The following BRWD1 variants were observed in gnomAD, a reference collection of about 807,000 sequenced individuals.
BRWD1 encodes the protein bromodomain and WD repeat domain containing 1, also known as bromodomain and WD repeat-containing protein 1.
In BRWD1, 82 loss-of-function variants were observed where a neutral mutation model predicts 251.2. The observed-to-expected ratio is 0.33, with a 90% CI of 0.27 to 0.39. The LOEUF is 0.39. Among genes scored for constraint, BRWD1 ranks in the 10% least tolerant of loss-of-function variants. BRWD1 has a pLI of 1.00. For synonymous variants in BRWD1, 918 were observed against 902.8 expected, an observed-to-expected ratio of 1.02 and a Z score of -0.30; for missense variants, 2,233 against 2,711.6, an observed-to-expected ratio of 0.82 and a Z score of 3.92.
At chr21:39,247,564 T>C in intron 21 of BRWD1, 137 bp downstream of exon 21, 1 of 958,980 alleles carries the variant, frequency 1.0e-6, no homozygotes, top group South Asian at 2.4e-5. Context: ...TTGTTAACAT[T>C]CAAAATGTGA....
intron 29 of BRWD1, 65 bp downstream of exon 29, chr21:39,224,343 T>C (rs2033297859): frequency 1.1e-5 from 10 of 927,562 alleles, no homozygotes; most frequent in Non-Finnish European, 9.8e-6. Flanking sequence ...GTTTGTTCCA[T>C]GTGCACTGGC....
rs771592982 is a variant in BRWD1, at chr21:39,196,745, A to G, written c.6324T>C (p.Pro2108=). 8.7e-6 allele frequency: 14 copies of G among 1,613,658 alleles called. 1 individual carries two copies. In the East Asian group the frequency reaches 3.1e-4, roughly 36 times the overall value. ...CATGAATCACTTTTGTCTTACTAAAAGGAGCCTTTCCATAGGTCCTGAGTC... is the reference window on the plus strand; with the variant it reads ...CATGAATCACTTTTGTCTTACTAAAGGGAGCCTTTCCATAGGTCCTGAGTC... The part of the protein sequence containing the change: ...GRRLRTYGKA[P]FSKTKVIHDS... The change falls in exon 41 of 41, where the codon CCT becomes CCC. Residue 2108 remains proline, a synonymous_variant. Transcript: ENST00000342449.
chr21:39,218,227 G>A lies in BRWD1; in HGVS notation c.3584C>T (p.Pro1195Leu), dbSNP rs747466623. ...ATAAGCTACTACAGTACAGTACTTC[G>A]GGTATGTACACAAATCAACAGGGCC... is the stretch of plus-strand genomic sequence containing the variant. ...FAGPVDLCTY[P>L]KYCTVVAYPT... Residue 1195 changes from proline to leucine, a missense_variant, in exon 31 of 41, where the codon CCG becomes CTG. Coordinates refer to ENST00000342449, the MANE Select transcript of BRWD1 (RefSeq NM_033656.4). 6.2e-7 allele frequency: 1 copy of A among 1,612,032 alleles called. No homozygotes were observed. The highest frequency in any genetic ancestry group is 1.7e-5 in the Admixed American group (1 of 59,336).
rs1000932099 is a variant in BRWD1, at chr21:39,232,496, A to C, written c.2769T>G (p.Asn923Lys). 4 of 1,587,220 alleles carry C rather than the reference A, an allele frequency of 2.5e-6. No homozygotes were observed. The highest frequency in any genetic ancestry group is 3.4e-6 in the Non-Finnish European group (4 of 1,174,018). The change falls in exon 24 of 41, where the codon AAT becomes AAG. Residue 923 changes from asparagine (N) to lysine (K), a missense_variant and splice_region_variant. By Grantham distance (94) the Asn-to-Lys change is moderately conservative. Transcript: ENST00000342449. Reference sequence around the variant, plus strand: ...GCTCTGCTGGAGTCATCCTCCGCAAATTCTACCAAGGGGAAGAGAACAAAG... The same window carrying C: ...GCTCTGCTGGAGTCATCCTCCGCAACTTCTACCAAGGGGAAGAGAACAAAG... ...RKKENKPKKE[N>K]LRRMTPAELA...
At chr21:39,277,501 G>A in intron 10 of BRWD1, 150 bp from the exon 11 acceptor site, 1 of 504,096 alleles carries the variant, frequency 2.0e-6, no homozygotes, top group South Asian at 4.9e-5. Flanking sequence ...ACTATATAGA[G>A]GTTATAAAGC....
chr21:39,305,684 G>A (rs1189890385), intron 4 of BRWD1, among the ~76,000 whole-genome samples: 1 of 152,096 alleles, frequency 6.6e-6, no homozygotes, highest in Non-Finnish European at 1.5e-5. Flanking sequence ...CCAACACGGT[G>A]AAACCCTGTC....
chr21:39,217,049 ATT>A (rs1568877899), intron 31 of BRWD1: 48 of 17,364 alleles, frequency 2.8e-3, no homozygotes, highest in South Asian at 4.7e-3. Flanking sequence ...ATATATATAT[ATT>A]TATATATATA....
chr21:39,187,747 T>C lies in BRWD1; in HGVS notation c.*8512A>G, dbSNP rs1409530435. 55 of 984,772 alleles carry C rather than the reference T, an allele frequency of 5.6e-5. No homozygotes were observed. Among genetic ancestry groups the C allele is most frequent in the Non-Finnish European group, 6.5e-5 (54 of 829,368 alleles). 61.0% of individuals were successfully genotyped at this position (984,772 alleles called of 1,614,324 possible). A position where few individuals can be genotyped will look rare whatever the true frequency, so the allele number is the denominator to read the frequency against. ...ATAATTTGAATTACTAAATCTTAAC[T>C]TCATTGTTCCAGTATTTTCTGACCT... is the stretch of plus-strand genomic sequence containing the variant. On this transcript the variant is annotated 3_prime_UTR_variant, in exon 41 of 41. Transcript: ENST00000342449.
rs1472446648 is a variant in BRWD1 at position 39,195,550 on chromosome 21, GT to G, written c.*708del. Reference sequence around the variant, plus strand: ...CTCTGACTATGCTCTGGTCCTAGAGGTTTAAAACATGCACTCAAATCATTAA... The same window carrying G: ...CTCTGACTATGCTCTGGTCCTAGAGGTTAAAACATGCACTCAAATCATTAA... On this transcript the variant is annotated 3_prime_UTR_variant, in exon 41 of 41. Transcript: ENST00000342449. 1.4e-5 allele frequency: 14 copies of G among 984,348 alleles called. No homozygotes were observed. The highest frequency in any genetic ancestry group is 1.7e-5 in the Non-Finnish European group (14 of 828,796). The allele number at this position is 984,348 out of a possible 1,614,324, so 61.0% of individuals were successfully genotyped here.
At chr21:39,259,221 T>C (rs1403039487) in intron 17 of BRWD1, among the ~76,000 whole-genome samples, 1 of 152,210 alleles carries the variant, frequency 6.6e-6, no homozygotes, top group Non-Finnish European at 1.5e-5. Flanking sequence ...TACACAAGCC[T>C]CTCCGACTAA....
At position 39,229,513 on chromosome 21, in the gene BRWD1, T is replaced by C. The variant is rs1056998547; in HGVS notation, c.3001-77A>G. 6.6e-6 allele frequency: 9 copies of C among 1,354,564 alleles called. No homozygotes were observed. In the African/African-American group the frequency reaches 1.0e-4, roughly 16 times the overall value. The allele number at this position is 1,354,564 out of a possible 1,614,324, so 83.9% of individuals were successfully genotyped here. ...TATAATTCTCCACATACTGTTATAT[T>C]AAGTAAACTCATAATTTAGGCTTCC... On this transcript the variant is annotated intron_variant, in intron 25 of 40. Coordinates refer to ENST00000342449, the MANE Select transcript of BRWD1 (RefSeq NM_033656.4).
intron 36 of BRWD1, among the ~76,000 whole-genome samples, chr21:39,208,983 A>AG (rs1034249867): frequency 2.0e-5 from 3 of 151,830 alleles, no homozygotes; most frequent in African/African-American, 7.3e-5. Context: ...AATGACAAAA[A>AG]AAAAAAAAGA....
At position 39,245,305 on chromosome 21, in the gene BRWD1, A is replaced by T. The variant is rs139830351; in HGVS notation, c.2481+2396T>A. Among the ~76,000 whole-genome samples the T allele has an allele frequency of 2.9e-3, 437 of 152,304 alleles. 2 individuals are homozygous for T. The highest frequency in any genetic ancestry group is 1.0e-2 in the African/African-American group (414 of 41,560). On this transcript the variant is annotated intron_variant, in intron 21 of 40. Transcript: ENST00000342449. Reference sequence around the variant, plus strand: ...ATAATCGTAGCTAACATTATTGTGTATTAGGCACTATTTAAACACATTGCA... The same window carrying T: ...ATAATCGTAGCTAACATTATTGTGTTTTAGGCACTATTTAAACACATTGCA...
At chr21:39,184,468 A>C (rs994059991), downstream of BRWD1, 8 of 152,238 alleles carry the variant, frequency 5.3e-5, no homozygotes, top group Non-Finnish European at 1.2e-4. Context: ...ATATGCAGTA[A>C]TGCAATGAAA....
rs2031842230 is a variant in BRWD1 at position 39,196,781 on chromosome 21, CCACCTGCG to C, written c.6280_6287del (p.Arg2094GlufsTer14). 1 of 1,613,124 alleles carries C rather than the reference CCACCTGCG, an allele frequency of 6.2e-7. No homozygotes were observed. The highest frequency in any genetic ancestry group is 8.5e-7 in the Non-Finnish European group (1 of 1,179,894). Reference sequence around the variant, plus strand: ...CATAGGTCCTGAGTCTTCTGCCATTCCACCTGCGCAGCCCATAATTCAGTTCCACTTCA... The same window carrying C: ...CATAGGTCCTGAGTCTTCTGCCATTCCAGCCCATAATTCAGTTCCACTTCA... On this transcript the variant is annotated frameshift_variant, in exon 41 of 41. Transcript: ENST00000342449. LOFTEE classifies it high-confidence loss of function.
At chr21:39,290,823 T>G (rs9975728) in intron 8 of BRWD1, among the ~76,000 whole-genome samples, 14,698 of 152,220 alleles carry the variant, frequency 0.097, 833 homozygotes, top group East Asian at 0.14. Context: ...AAATCTTGCT[T>G]AAACTTCCAA....
At chr21:39,242,465 A>G (rs570280230) in intron 21 of BRWD1, among the ~76,000 whole-genome samples, 1 of 152,370 alleles carries the variant, frequency 6.6e-6, no homozygotes, top group African/African-American at 2.4e-5. Context: ...AGGCATGTCC[A>G]TAACATAAAA....
intron 5 of BRWD1, chr21:39,297,462 T>C (rs2146759576): frequency 1.1e-6 from 1 of 946,336 alleles, no homozygotes; most frequent in African/African-American, 1.8e-5. Flanking sequence ...AACAACGACA[T>C]GGAGCTTGAC....
rs1048548368 is a variant in BRWD1, at chr21:39,227,210, T to C, written c.3208+1290A>G. ...TGCAGTAACTAGAAAGATCAATGTC[T>C]TAACATCATTTATGAATGTGTACAC... On this transcript the variant is annotated intron_variant, in intron 27 of 40. Transcript: ENST00000342449. Among the ~76,000 whole-genome samples, 13 of 152,270 alleles carry C rather than the reference T, an allele frequency of 8.5e-5. No individual in the cohort carries two copies. In the South Asian group the frequency reaches 2.3e-3, roughly 27 times the overall value.
Sources: allele counts gnomAD v4.1 joint callset (sites outside exome capture counted in the v4.1 genomes callset), GRCh38; gene constraint gnomAD v4.1.1; transcripts MANE v1.5; gene names NCBI Gene and HGNC (gene_info 2026-07-23, HGNC 2026-07-21).